The following OR2L13 variants were observed in gnomAD, a reference collection of about 807,000 sequenced individuals.
OR2L13 encodes olfactory receptor family 2 subfamily L member 13.
In OR2L13, 14 loss-of-function variants were observed where a neutral mutation model predicts 15.3. The observed-to-expected ratio is 0.91, with a 90% CI of 0.60 to 1.43. The LOEUF (loss-of-function observed/expected upper bound fraction) is 1.43, where lower values mean the gene tolerates loss of function less well. Ranked by LOEUF, OR2L13 falls within the 40% of genes most tolerant of loss-of-function variation. The pLI is 0.00. For missense variants in OR2L13, 367 were observed against 387.9 expected (o/e 0.95, Z 0.45); for synonymous variants, 152 against 142.9 (o/e 1.06, Z -0.45).
the OR2L13 span, chr1:248,030,294 G>A: frequency 1.3e-5 from 2 of 152,218 alleles, no homozygotes; most frequent in South Asian, 4.2e-4. Context: ...AGGGACTCTG[G>A]CAAGTGCTTA....
At chr1:247,965,990 T>C in the OR2L13 span, 3 of 1,611,842 alleles carry the variant, frequency 1.9e-6, no homozygotes, top group Admixed American at 1.7e-5. Flanking sequence ...AGTGGACTTA[T>C]TATCTTGCTA....
At chr1:247,985,264 C>G in the OR2L13 span, among the ~76,000 whole-genome samples, 1 of 152,134 alleles carries the variant, frequency 6.6e-6, no homozygotes, top group South Asian at 2.1e-4. Flanking sequence ...TCCCCTACCC[C>G]CTACCCCACA....
chr1:248,077,770 AG>A, the OR2L13 span, among the ~76,000 whole-genome samples: 1 of 152,236 alleles, frequency 6.6e-6, no homozygotes. Context: ...GCTCTGTCAA[AG>A]GACTTGTGTA....
chr1:248,019,971 A>G, the OR2L13 span, among the ~76,000 whole-genome samples: 3 of 152,082 alleles, frequency 2.0e-5, no homozygotes, highest in Non-Finnish European at 4.4e-5. Flanking sequence ...TATTTTTTGT[A>G]GAAACAGGAT....
the OR2L13 span, among the ~76,000 whole-genome samples, chr1:248,077,547 C>G: frequency 6.6e-6 from 1 of 152,132 alleles, no homozygotes; most frequent in South Asian, 2.1e-4. Flanking sequence ...AGAAATTCAC[C>G]TTCTTTTCTG....
chr1:247,985,063 T>A, the OR2L13 span, among the ~76,000 whole-genome samples: 83 of 152,344 alleles, frequency 5.4e-4, no homozygotes, highest in African/African-American at 1.9e-3. Context: ...CAAAACTTCA[T>A]TCACTTTTAC....
At chr1:247,966,023 C>G in the OR2L13 span, 14 of 1,613,830 alleles carry the variant, frequency 8.7e-6, no homozygotes, top group African/African-American at 1.9e-4. Context: ...GCCATTCTGG[C>G]TTCCTATGCT....
At chr1:248,065,541 G>A in the OR2L13 span, among the ~76,000 whole-genome samples, 6 of 150,316 alleles carry the variant, frequency 4.0e-5, no homozygotes, top group Non-Finnish European at 7.4e-5. Context: ...CCACTAACTC[G>A]TCATCTAGCA....
chr1:248,032,033 G>C, the OR2L13 span, among the ~76,000 whole-genome samples: 1 of 152,016 alleles, frequency 6.6e-6, no homozygotes, highest in African/African-American at 2.4e-5. Flanking sequence ...ATTTCAAATA[G>C]TACATATTCT....
the OR2L13 span, among the ~76,000 whole-genome samples, chr1:247,955,102 C>T: frequency 0.063 from 9,529 of 151,772 alleles, 398 homozygotes; most frequent in Admixed American, 0.12. Context: ...TCCCCCCTTC[C>T]CCCACCCCAC....
At chr1:248,004,364 A>G in the OR2L13 span, among the ~76,000 whole-genome samples, 1 of 152,352 alleles carries the variant, frequency 6.6e-6, no homozygotes, top group Middle Eastern at 3.4e-3. Flanking sequence ...TTGTCTAACC[A>G]AAGTTGGCAC....
the OR2L13 span, among the ~76,000 whole-genome samples, chr1:248,013,916 G>A: frequency 6.6e-6 from 1 of 152,086 alleles, no homozygotes; most frequent in Non-Finnish European, 1.5e-5. Context: ...ACAACCAAAA[G>A]TGTTTTTGCC....
the OR2L13 span, among the ~76,000 whole-genome samples, chr1:248,066,251 A>C: frequency 6.6e-6 from 1 of 152,202 alleles, no homozygotes; most frequent in East Asian, 1.9e-4. Context: ...AAAATGAATA[A>C]AACTTATATG....
chr1:248,072,341 G>T, the OR2L13 span, among the ~76,000 whole-genome samples: 3 of 152,186 alleles, frequency 2.0e-5, no homozygotes, highest in Non-Finnish European at 4.4e-5. Context: ...ATGGCTATCT[G>T]ATCTTTGACA....
chr1:247,951,999 G>A, the OR2L13 span, among the ~76,000 whole-genome samples: 99 of 152,254 alleles, frequency 6.5e-4, 2 homozygotes, highest in South Asian at 0.014. Context: ...GTGTGCGCGC[G>A]TGCGCGCATG....
chr1:248,068,653 C>A, the OR2L13 span, among the ~76,000 whole-genome samples: 10 of 152,066 alleles, frequency 6.6e-5, no homozygotes, highest in Non-Finnish European at 1.2e-4. Context: ...AGAGAAGAAG[C>A]CTTCAGACGA....
chr1:247,939,441 T>C, the OR2L13 span: 3 of 152,168 alleles, frequency 2.0e-5, no homozygotes, highest in Non-Finnish European at 4.4e-5. Context: ...ACTCATTCAT[T>C]TTCACATATG....
chr1:248,000,060 C>A, the OR2L13 span, among the ~76,000 whole-genome samples: 1 of 151,240 alleles, frequency 6.6e-6, no homozygotes, highest in South Asian at 2.1e-4. Context: ...ATAAATCTTG[C>A]AGGTAAGCCA....
chr1:248,077,347 T>C, the OR2L13 span, among the ~76,000 whole-genome samples: 6 of 152,154 alleles, frequency 3.9e-5, no homozygotes, highest in African/African-American at 1.4e-4. Flanking sequence ...CAGGATGATG[T>C]TGGCCTCATA....
Sources: allele counts gnomAD v4.1 joint callset (sites outside exome capture counted in the v4.1 genomes callset), GRCh38; gene constraint gnomAD v4.1.1; transcripts MANE v1.5; gene names NCBI Gene and HGNC (gene_info 2026-07-23, HGNC 2026-07-21).